Variants in ALDH6A1 observed in about 807,000 individuals in gnomAD.
ALDH6A1 encodes aldehyde dehydrogenase 6 family member A1.
Under a neutral mutation model 62.6 loss-of-function variants are expected in ALDH6A1, and 43 were observed. The ratio of observed to expected loss-of-function variants is 0.69; its 90% CI spans 0.54 to 0.89. The LOEUF (loss-of-function observed/expected upper bound fraction) is 0.89. ALDH6A1 is among the 40% of genes least tolerant of loss of function. The pLI, the probability that ALDH6A1 is intolerant of heterozygous loss-of-function variation, is 0.00. For missense variants in ALDH6A1, 551 were observed against 661.3 expected, an observed-to-expected ratio of 0.83 and a Z score of 1.83; for synonymous variants, 194 against 234.2, an observed-to-expected ratio of 0.83 and a Z score of 1.57.
At chr14:74,076,046 A>T (rs184263777) in intron 1 of ALDH6A1, among the ~76,000 whole-genome samples, 2 of 152,350 alleles carry the variant, frequency 1.3e-5, no homozygotes, top group Admixed American at 6.5e-5. Flanking sequence ...ATCAGAAAGC[A>T]GAACAGTGGT....
chr14:74,070,277 G>A (rs28483275), intron 6 of ALDH6A1, among the ~76,000 whole-genome samples: 8,398 of 152,080 alleles, frequency 0.055, 706 homozygotes, highest in African/African-American at 0.18. Flanking sequence ...CCAGCACTTT[G>A]GGAGGCCGAG....
intron 1 of ALDH6A1, among the ~76,000 whole-genome samples, chr14:74,082,376 T>C (rs1342399683): frequency 6.7e-6 from 1 of 148,572 alleles, no homozygotes; most frequent in South Asian, 2.1e-4. Flanking sequence ...CTAATATTCA[T>C]GGCTGCCAAA....
intron 4 of ALDH6A1, 98 bp from the exon 5 acceptor site, chr14:74,072,072 C>G (rs1380914396): frequency 6.4e-7 from 1 of 1,563,066 alleles, no homozygotes; most frequent in African/African-American, 1.4e-5. Flanking sequence ...AGATGCAGTA[C>G]AAGGGAGAGA....
rs1441896774 is a variant in ALDH6A1, at chr14:74,071,496, C to G, written c.429G>C (p.Gln143His). 6.2e-7 allele frequency: 1 copy of G among 1,613,800 alleles called. No homozygotes were observed. The highest frequency in any genetic ancestry group is 8.5e-7 in the Non-Finnish European group (1 of 1,180,026). The change falls in exon 6 of 12, where the codon CAG becomes CAC. Residue 143 changes from glutamine to histidine, a missense_variant and splice_region_variant. Physicochemically the swap from Gln to His is conservative, Grantham distance 24. Transcript: ENST00000553458. ...DAEGDVFRGL[Q>H]VVEHACSVTS... is the part of the protein sequence containing the mutation. ...TCACACTACAGGCATGCTCAACCAC[C>G]TCTGGAACACAGAAGTCAGGCCATC...
At chr14:74,065,067 C>G (rs1226467889) in intron 10 of ALDH6A1, 114 bp downstream of exon 10, 22 of 1,407,500 alleles carry the variant, frequency 1.6e-5, no homozygotes, top group Non-Finnish European at 2.0e-6. Context: ...AGAAATGGGG[C>G]AATGTGGGAG....
Position 74,071,352 on chromosome 14 carries a change from G to C in ALDH6A1, c.573C>G (p.Ile191Met). 1 of 1,614,160 alleles carries C rather than the reference G, an allele frequency of 6.2e-7. No homozygotes were observed. Residue 191 changes from isoleucine (I) to methionine (M), a missense_variant, in exon 6 of 12, where the codon ATC becomes ATG. Coordinates refer to ENST00000553458, the MANE Select transcript of ALDH6A1 (RefSeq NM_005589.4). Reference sequence around the variant, plus strand: ...TGGCCATGGGAAACATCCAAAGGGGGATCATGGCAGGAAAATTGAATGGAG... The same window carrying C: ...TGGCCATGGGAAACATCCAAAGGGGCATCATGGCAGGAAAATTGAATGGAG... The part of the protein sequence containing the change: ...GIAPFNFPAM[I>M]PLWMFPMAMV...
At position 74,072,616 on chromosome 14, in the gene ALDH6A1, A is replaced by G; in HGVS notation, c.112-5T>C. 2 of 1,611,882 alleles carry G rather than the reference A, an allele frequency of 1.2e-6. No individual in the cohort carries two copies. The highest frequency in any genetic ancestry group is 1.7e-6 in the Non-Finnish European group (2 of 1,179,812). ...AATGAAGAGCTTTACAGTTGGCTGA[A>G]AAAAACAAACAAACAAACAAACAAA... On this transcript the variant is annotated splice_polypyrimidine_tract_variant and splice_region_variant and intron_variant, in intron 2 of 11. Coordinates refer to ENST00000553458, the MANE Select transcript of ALDH6A1 (RefSeq NM_005589.4).
chr14:74,073,024 T>C (rs945274999), intron 2 of ALDH6A1, among the ~76,000 whole-genome samples: 2 of 152,226 alleles, frequency 1.3e-5, no homozygotes, highest in African/African-American at 2.4e-5. Flanking sequence ...GATCTCGAAC[T>C]CCTGACCTCA....
intron 6 of ALDH6A1, chr14:74,070,639 C>A: frequency 6.4e-6 from 1 of 157,066 alleles, no homozygotes; most frequent in Admixed American, 6.2e-5. Flanking sequence ...CAGAGTCAGC[C>A]TTCCTGGATG....
At chr14:74,078,408 C>G in intron 1 of ALDH6A1, 1 of 352,904 alleles carries the variant, frequency 2.8e-6, no homozygotes, top group Non-Finnish European at 5.6e-6. Flanking sequence ...GGCTGGAATG[C>G]AGTGGCATGA....
chr14:74,062,524 C>G (rs1197817936), intron 11 of ALDH6A1, among the ~76,000 whole-genome samples: 1 of 151,902 alleles, frequency 6.6e-6, no homozygotes, highest in African/African-American at 2.4e-5. Context: ...TTGCTTGAAC[C>G]CTGGAGGCTG....
intron 2 of ALDH6A1, 93 bp downstream of exon 2, chr14:74,074,862 C>T: frequency 4.6e-6 from 6 of 1,304,738 alleles, no homozygotes; most frequent in Non-Finnish European, 6.6e-6. Context: ...GTTTCACATA[C>T]ACTCTGATGA....
Position 74,071,916 on chromosome 14 carries a change from C to A in ALDH6A1, c.407G>T (p.Gly136Val), listed in dbSNP as rs2139791711. The change falls in exon 5 of 12, where the codon GGA becomes GTA. Residue 136 changes from glycine to valine, a missense_variant. Transcript: ENST00000553458. ...EQGKTLADAE[G>V]DVFRGLQVVE... is the part of the protein sequence containing the mutation. ...CTTACGAAGGCCTCGAAATACATCT[C>A]CTTCAGCATCAGCTAGGGTCTTCCC... The A allele has an allele frequency of 6.2e-7, 1 of 1,614,214 alleles. No individual in the cohort carries two copies. Among genetic ancestry groups the A allele is most frequent in the Non-Finnish European group, 8.5e-7 (1 of 1,180,042 alleles).
chr14:74,075,213 T>G (rs2060599265), intron 1 of ALDH6A1, among the ~76,000 whole-genome samples, 196 bp from the exon 2 acceptor site: 1 of 152,182 alleles, frequency 6.6e-6, no homozygotes, highest in Non-Finnish European at 1.5e-5. Context: ...ATAATAATCA[T>G]GTCCTATATT....
intron 6 of ALDH6A1, among the ~76,000 whole-genome samples, chr14:74,070,309 A>G (rs887838130): frequency 2.0e-5 from 3 of 152,018 alleles, no homozygotes; most frequent in African/African-American, 7.2e-5. Flanking sequence ...ACCTGAGGTC[A>G]GGAGTTTGAG....
At chr14:74,070,393 C>A (rs2060532200) in intron 6 of ALDH6A1, among the ~76,000 whole-genome samples, 1 of 152,030 alleles carries the variant, frequency 6.6e-6, no homozygotes, top group Non-Finnish European at 1.5e-5. Flanking sequence ...GTGGCGCATG[C>A]CTGTAATCCC....
intron 1 of ALDH6A1, among the ~76,000 whole-genome samples, chr14:74,076,270 T>A (rs982873010): frequency 5.3e-5 from 8 of 152,222 alleles, no homozygotes; most frequent in African/African-American, 9.6e-5. Context: ...GGATAGATAA[T>A]ATTTGATGGA....
intron 1 of ALDH6A1, among the ~76,000 whole-genome samples, chr14:74,081,825 C>G (rs1450965765): frequency 6.6e-6 from 1 of 152,152 alleles, no homozygotes; most frequent in East Asian, 1.9e-4. Flanking sequence ...AAAGAGATGG[C>G]AAGACTTAAG....
rs760557314 is a variant in ALDH6A1 at position 74,071,317 on chromosome 14, C to A, written c.608G>T (p.Gly203Val). The A allele has an allele frequency of 1.9e-6, 3 of 1,614,152 alleles. No individual in the cohort carries two copies. The South Asian group carries it at 3.3e-5, about 18-fold the overall frequency. The part of the protein sequence containing the change: ...LWMFPMAMVC[G>V]NTFLMKPSER... ...AGATGGTTTCATTAGGAAGGTATTT[C>A]CACACACCATGGCCATGGGAAACAT... Residue 203 changes from glycine (G) to valine (V), a missense_variant, in exon 6 of 12, where the codon GGA becomes GTA. Physicochemically the swap from Gly to Val is moderately radical, Grantham distance 109. Transcript: ENST00000553458.
Sources: gnomAD v4.1 joint callset for allele counts (sites outside exome capture counted in the v4.1 genomes callset) on GRCh38, gnomAD v4.1.1 for gene constraint, MANE v1.5 for transcripts, NCBI Gene and HGNC (gene_info 2026-07-23, HGNC 2026-07-21) for gene names.